Variants in NEGR1 observed in about 807,000 individuals in gnomAD.
The protein encoded by NEGR1 is neuronal growth regulator 1.
In NEGR1, 10 loss-of-function variants were observed where a neutral mutation model predicts 40.9. The observed-to-expected ratio is 0.24, with a 90% CI of 0.15 to 0.42. The LOEUF (loss-of-function observed/expected upper bound fraction) is 0.42, where lower values mean the gene tolerates loss of function less well. NEGR1 is among the 10% of genes least tolerant of loss of function. The pLI, the probability that NEGR1 is intolerant of heterozygous loss-of-function variation, is 1.00. For missense variants in NEGR1, 352 were observed against 438.9 expected, an observed-to-expected ratio of 0.80 and a Z score of 1.77; for synonymous variants, 185 against 166.8, an observed-to-expected ratio of 1.11 and a Z score of -0.84.
chr1:72,130,350 C>G lies in NEGR1; in HGVS notation c.176+151969G>C, dbSNP rs568271081. Among the ~76,000 whole-genome samples the G allele has an allele frequency of 1.8e-4, 28 of 152,282 alleles. No homozygotes were observed. In the South Asian group the frequency reaches 5.6e-3, roughly 30 times the overall value. The stretch of plus-strand genomic sequence containing the variant: ...TTGCTAAACAAGTATAAATGAGCCC[C>G]TGCCCTGAGACAAAATCATTAAACC... On this transcript the variant is annotated intron_variant, in intron 1 of 6. Transcript: ENST00000357731.
At chr1:72,096,559 T>C (rs528026457) in intron 1 of NEGR1, among the ~76,000 whole-genome samples, 2 of 152,044 alleles carry the variant, frequency 1.3e-5, no homozygotes, top group African/African-American at 4.8e-5. Flanking sequence ...TTAATTACAC[T>C]TTCATACATT....
chr1:71,621,629 G>A lies in NEGR1; in HGVS notation c.668-10483C>T, dbSNP rs140356196. On this transcript the variant is annotated intron_variant, in intron 4 of 6. Transcript: ENST00000357731. ...AAAATTATTTGGTAAAAAAATTTTC[G>A]GAGCGCAGAGATATATGACTACATA... Among the ~76,000 whole-genome samples the A allele has an allele frequency of 3.0e-4, 46 of 151,604 alleles. No individual in the cohort carries two copies. The East Asian group carries it at 7.2e-3, about 24-fold the overall frequency.
At chr1:71,664,082 G>A (rs1351132429) in intron 4 of NEGR1, among the ~76,000 whole-genome samples, 1 of 152,198 alleles carries the variant, frequency 6.6e-6, no homozygotes, top group East Asian at 1.9e-4. Context: ...AAGTATAGCT[G>A]ACATCCTTTT....
chr1:71,438,980 C>T (rs1470328872), intron 6 of NEGR1, among the ~76,000 whole-genome samples: 1 of 152,104 alleles, frequency 6.6e-6, no homozygotes, highest in East Asian at 1.9e-4. Context: ...ATTCTTTTTG[C>T]CCTATTCTGA....
At chr1:71,739,083 C>A (rs567135378) in intron 3 of NEGR1, among the ~76,000 whole-genome samples, 147 of 151,838 alleles carry the variant, frequency 9.7e-4, no homozygotes, top group African/African-American at 3.4e-3. Flanking sequence ...TGTGTGTAAG[C>A]CTGTTGCCAA....
intron 1 of NEGR1, among the ~76,000 whole-genome samples, chr1:72,167,029 A>C (rs994645445): frequency 2.0e-5 from 3 of 152,120 alleles, no homozygotes; most frequent in African/African-American, 7.2e-5. Context: ...CTGAGCCTGA[A>C]GCTAACACCT....
chr1:71,580,167 T>G (rs1649088646), intron 6 of NEGR1, among the ~76,000 whole-genome samples: 1 of 151,912 alleles, frequency 6.6e-6, no homozygotes, highest in Non-Finnish European at 1.5e-5. Flanking sequence ...GGGACATGGA[T>G]GAAATTGGAA....
chr1:71,611,159 C>T lies in NEGR1; in HGVS notation c.668-13G>A. 1 of 1,608,758 alleles carries T rather than the reference C, an allele frequency of 6.2e-7. No homozygotes were observed. Among genetic ancestry groups the T allele is most frequent in the Non-Finnish European group, 8.5e-7 (1 of 1,175,970 alleles). On this transcript the variant is annotated splice_polypyrimidine_tract_variant and intron_variant, in intron 4 of 6. Coordinates refer to ENST00000357731, the MANE Select transcript of NEGR1 (RefSeq NM_173808.3). ...ATAGTAGGAGCAACTGCAAAAGAAA[C>T]AAACAAACAAATACTAGTAGATAAG...
At chr1:71,690,397 A>G (rs4650118) in intron 4 of NEGR1, among the ~76,000 whole-genome samples, 54,945 of 151,518 alleles carry the variant, frequency 0.36, 10,731 homozygotes, top group East Asian at 0.51. Flanking sequence ...GTTATAAACT[A>G]TATGTTTGTA....
intron 4 of NEGR1, among the ~76,000 whole-genome samples, chr1:71,660,943 A>G (rs1233632309): frequency 2.0e-5 from 3 of 152,176 alleles, no homozygotes; most frequent in African/African-American, 7.2e-5. Flanking sequence ...GAATGAGAAC[A>G]TGCAGTGTTT....
chr1:71,646,271 A>T (rs2101578019), intron 4 of NEGR1, among the ~76,000 whole-genome samples: 1 of 151,666 alleles, frequency 6.6e-6, no homozygotes, highest in South Asian at 2.1e-4. Context: ...ACATTTTTTT[A>T]AACAGTAGTT....
At chr1:71,529,980 G>T (rs1010412210) in intron 6 of NEGR1, among the ~76,000 whole-genome samples, 1 of 150,946 alleles carries the variant, frequency 6.6e-6, no homozygotes, top group African/African-American at 2.4e-5. Context: ...ATGACTTCAG[G>T]ACCTTCATTT....
At chr1:72,248,797 G>A (rs1354696312) in intron 1 of NEGR1, among the ~76,000 whole-genome samples, 1 of 151,580 alleles carries the variant, frequency 6.6e-6, no homozygotes, top group East Asian at 1.9e-4. Context: ...TGGCCAGGCT[G>A]GTCTTGAACT....
At chr1:71,775,885 CA>C (rs1656487730) in intron 3 of NEGR1, among the ~76,000 whole-genome samples, 1 of 151,442 alleles carries the variant, frequency 6.6e-6, no homozygotes, top group Non-Finnish European at 1.5e-5. Flanking sequence ...CCCAGCTACT[CA>C]GGAGGCTGAG....
At chr1:71,946,529 G>T (rs1449405518) in intron 1 of NEGR1, among the ~76,000 whole-genome samples, 4 of 152,130 alleles carry the variant, frequency 2.6e-5, no homozygotes, top group Admixed American at 1.3e-4. Flanking sequence ...TTCATTAACA[G>T]CCATTTAAAA....
chr1:72,262,032 G>A (rs952720399), intron 1 of NEGR1, among the ~76,000 whole-genome samples: 13 of 151,980 alleles, frequency 8.6e-5, no homozygotes. Flanking sequence ...AAGAAGGGAA[G>A]AAAGACAATA....
intron 2 of NEGR1, among the ~76,000 whole-genome samples, chr1:71,917,634 C>T (rs1420107391): frequency 1.3e-5 from 2 of 151,254 alleles, no homozygotes; most frequent in Admixed American, 6.6e-5. Context: ...AAAAATTAGC[C>T]GGGCCTGGTG....
chr1:71,443,058 G>A (rs1053698878), intron 6 of NEGR1, among the ~76,000 whole-genome samples: 2 of 152,172 alleles, frequency 1.3e-5, no homozygotes, highest in Admixed American at 1.3e-4. Context: ...TGTTCACCTT[G>A]AACCTTCTGG....
intron 1 of NEGR1, among the ~76,000 whole-genome samples, chr1:72,210,851 C>T (rs553435484): frequency 6.6e-6 from 1 of 151,910 alleles, no homozygotes; most frequent in South Asian, 2.1e-4. Context: ...ACAAGGTTCA[C>T]TGATACAGTT....
Sources: allele counts gnomAD v4.1 joint callset (sites outside exome capture counted in the v4.1 genomes callset), GRCh38; gene constraint gnomAD v4.1.1; transcripts MANE v1.5; gene names NCBI Gene and HGNC (gene_info 2026-07-23, HGNC 2026-07-21).